The following TENM3 variants were observed in gnomAD, a reference collection of about 807,000 sequenced individuals.
The protein encoded by TENM3 is teneurin-3.
In TENM3, 63 loss-of-function variants were observed where a neutral mutation model predicts 255.1. The ratio of observed to expected loss-of-function variants is 0.25; its 90% CI spans 0.20 to 0.30. The LOEUF (loss-of-function observed/expected upper bound fraction) is 0.30. Ranked by LOEUF, TENM3 falls within the 10% of genes least tolerant of loss-of-function variation. The pLI is 1.00. For missense variants in TENM3, 2,929 were observed against 3,461.1 expected, an observed-to-expected ratio of 0.85 and a Z score of 3.86; for synonymous variants, 1,306 against 1,322.3, an observed-to-expected ratio of 0.99 and a Z score of 0.27.
chr4:182,305,440 G>T (rs1762079243), intron 1 of TENM3, among the ~76,000 whole-genome samples: 1 of 152,146 alleles, frequency 6.6e-6, no homozygotes, highest in East Asian at 1.9e-4. Context: ...TGAATACTGT[G>T]CTGGAGGATT....
chr4:181,973,226 A>G, the TENM3 span, among the ~76,000 whole-genome samples: 1 of 152,238 alleles, frequency 6.6e-6, no homozygotes, highest in African/African-American at 2.4e-5. Flanking sequence ...GAAGGCATCA[A>G]TTTTTAAATG....
At chr4:181,739,151 T>A in the TENM3 span, among the ~76,000 whole-genome samples, 44 of 152,220 alleles carry the variant, frequency 2.9e-4, no homozygotes, top group Admixed American at 5.2e-4. Context: ...AGAAAACTCC[T>A]GTCTGTCCTT....
intron 11 of TENM3, among the ~76,000 whole-genome samples, chr4:182,687,551 A>G (rs1277472312): frequency 6.6e-6 from 1 of 152,206 alleles, no homozygotes; most frequent in African/African-American, 2.4e-5. Context: ...GTGGACTAAG[A>G]AATTTGTATC....
the TENM3 span, among the ~76,000 whole-genome samples, chr4:182,088,005 T>G: frequency 6.6e-6 from 1 of 152,206 alleles, no homozygotes; most frequent in African/African-American, 2.4e-5. Context: ...TGAATGAAAC[T>G]GAATTGAATC....
chr4:181,771,506 T>C, the TENM3 span, among the ~76,000 whole-genome samples: 3 of 151,934 alleles, frequency 2.0e-5, no homozygotes, highest in East Asian at 5.8e-4. Flanking sequence ...TTATAGGGGG[T>C]CAATGTCAAT....
At chr4:182,112,751 C>A in the TENM3 span, among the ~76,000 whole-genome samples, 2 of 152,288 alleles carry the variant, frequency 1.3e-5, no homozygotes, top group East Asian at 1.9e-4. Context: ...TGCGTTTATG[C>A]TAATTGCCAT....
At chr4:181,502,320 C>T in the TENM3 span, among the ~76,000 whole-genome samples, 2 of 152,128 alleles carry the variant, frequency 1.3e-5, no homozygotes, top group Non-Finnish European at 2.9e-5. Context: ...GGGCCAACAT[C>T]TGCTACAAGA....
At chr4:182,683,929 A>G (rs1756370648) in intron 11 of TENM3, among the ~76,000 whole-genome samples, 2 of 152,036 alleles carry the variant, frequency 1.3e-5, no homozygotes, top group African/African-American at 4.8e-5. Flanking sequence ...AAAACACAAT[A>G]GAGACGTGTG....
At chr4:182,490,579 G>A (rs1037548204) in intron 3 of TENM3, among the ~76,000 whole-genome samples, 6 of 152,142 alleles carry the variant, frequency 3.9e-5, no homozygotes, top group African/African-American at 1.2e-4. Flanking sequence ...TATAATTTTT[G>A]ACTTCATGGA....
chr4:181,502,898 A>C, the TENM3 span, among the ~76,000 whole-genome samples: 35 of 152,254 alleles, frequency 2.3e-4, no homozygotes, highest in African/African-American at 8.2e-4. Flanking sequence ...AAACAGCCTC[A>C]AGAGGGAGTT....
chr4:182,042,697 C>A, the TENM3 span, among the ~76,000 whole-genome samples: 357 of 152,212 alleles, frequency 2.3e-3, 2 homozygotes, highest in African/African-American at 8.2e-3. Flanking sequence ...GAGCATATTT[C>A]TTTTTGATGC....
At chr4:182,378,933 T>A (rs7677376) in intron 3 of TENM3, among the ~76,000 whole-genome samples, 1 of 151,662 alleles carries the variant, frequency 6.6e-6, no homozygotes, top group Admixed American at 6.6e-5. Flanking sequence ...ACCGTTTCCC[T>A]TGAGACTCTA....
the TENM3 span, among the ~76,000 whole-genome samples, chr4:181,456,109 G>GTA: frequency 8.7e-6 from 1 of 114,786 alleles, no homozygotes; most frequent in African/African-American, 3.6e-5. Context: ...GTGTGTGTGT[G>GTA]TGTGTATATA....
At chr4:182,026,799 A>G in the TENM3 span, among the ~76,000 whole-genome samples, 1 of 151,668 alleles carries the variant, frequency 6.6e-6, no homozygotes, top group Non-Finnish European at 1.5e-5. Context: ...TGGGTTCTTT[A>G]CTCTGTTCCA....
rs199717967 is a variant in TENM3, at chr4:182,699,280, A to G, written c.2221+10929A>G. Among the ~76,000 whole-genome samples the G allele has an allele frequency of 4.6e-5, 7 of 152,312 alleles. No homozygotes were observed. The South Asian group carries it at 8.3e-4, about 18-fold the overall frequency. ...GTTAAACCTGTTGTGATTTTTCTCA[A>G]CTGGGAGCAATACATAAGCAACTTG... On this transcript the variant is annotated intron_variant, in intron 12 of 27. Coordinates refer to ENST00000511685, the MANE Select transcript of TENM3 (RefSeq NM_001080477.4).
intron 3 of TENM3, among the ~76,000 whole-genome samples, chr4:182,521,068 T>A (rs1738513108): frequency 6.6e-6 from 1 of 152,178 alleles, no homozygotes; most frequent in Non-Finnish European, 1.5e-5. Flanking sequence ...CAGATTTGCA[T>A]CAGAAAGGTA....
At chr4:181,629,919 C>A in the TENM3 span, among the ~76,000 whole-genome samples, 1 of 152,180 alleles carries the variant, frequency 6.6e-6, no homozygotes, top group Non-Finnish European at 1.5e-5. Flanking sequence ...ATGGTACCAG[C>A]TCCTCCTTGT....
intron 3 of TENM3, among the ~76,000 whole-genome samples, chr4:182,561,188 T>C (rs1367021150): frequency 1.3e-5 from 2 of 152,090 alleles, no homozygotes. Flanking sequence ...TGGGAATTTA[T>C]AAAATTGGAT....
At chr4:182,057,036 G>A in the TENM3 span, among the ~76,000 whole-genome samples, 4 of 151,190 alleles carry the variant, frequency 2.6e-5, no homozygotes, top group East Asian at 3.9e-4. Context: ...GAGAGATCTC[G>A]AATGCCCCAG....
Sources: gnomAD v4.1 joint callset for allele counts (sites outside exome capture counted in the v4.1 genomes callset) on GRCh38, gnomAD v4.1.1 for gene constraint, MANE v1.5 for transcripts, NCBI Gene and HGNC (gene_info 2026-07-23, HGNC 2026-07-21) for gene names.